Variants in PTBP2 observed in about 807,000 individuals in gnomAD.
The protein encoded by PTBP2 is polypyrimidine tract-binding protein 2.
Under a neutral mutation model 61.4 loss-of-function variants are expected in PTBP2, and 13 were observed. The observed-to-expected ratio is 0.21, with a 90% confidence interval of 0.14 to 0.34. PTBP2 has a LOEUF of 0.34. Among genes scored for constraint, PTBP2 ranks in the 10% least tolerant of loss-of-function variants. PTBP2 has a pLI of 1.00. For synonymous variants in PTBP2, 215 were observed against 218.5 expected (o/e 0.98, Z 0.14); for missense variants, 405 against 642.6 (o/e 0.63, Z 4.00).
downstream of PTBP2, chr1:96,816,371 C>T (rs1557788800): frequency 6.6e-6 from 1 of 152,136 alleles, no homozygotes; most frequent in East Asian, 1.9e-4. Context: ...CTCTATGACT[C>T]TTAGAGTGAA....
chr1:96,766,674 C>T (rs1240430930), intron 3 of PTBP2, among the ~76,000 whole-genome samples: 1 of 152,094 alleles, frequency 6.6e-6, no homozygotes, highest in African/African-American at 2.4e-5. Context: ...AAAATGAAGA[C>T]TTTTATAATA....
exon 14 of PTBP2, chr1:96,820,157 G>T (rs1167340433): frequency 6.6e-6 from 1 of 151,952 alleles, no homozygotes; most frequent in Non-Finnish European, 1.5e-5. Flanking sequence ...TAAGGATTAT[G>T]TGAAATACTG....
chr1:96,743,524 C>G (rs1221446606), intron 2 of PTBP2, among the ~76,000 whole-genome samples: 1 of 152,034 alleles, frequency 6.6e-6, no homozygotes, highest in Non-Finnish European at 1.5e-5. Context: ...TGATTGCATA[C>G]TTTTATTAGG....
intron 8 of PTBP2, among the ~76,000 whole-genome samples, chr1:96,795,334 T>C (rs545990362): frequency 1.8e-4 from 27 of 152,254 alleles, no homozygotes; most frequent in Middle Eastern, 3.4e-3. Flanking sequence ...GAAAATTATA[T>C]GTAAAAGTAA....
intron 8 of PTBP2, among the ~76,000 whole-genome samples, chr1:96,788,913 TGA>T (rs1207186264): frequency 6.6e-6 from 1 of 152,078 alleles, no homozygotes; most frequent in Non-Finnish European, 1.5e-5. Flanking sequence ...TGCTTTGTAA[TGA>T]GTTTAAAATC....
intron 7 of PTBP2, among the ~76,000 whole-genome samples, chr1:96,780,432 CTT>C (rs1343709733): frequency 2.0e-5 from 3 of 152,030 alleles, no homozygotes; most frequent in African/African-American, 7.2e-5. Flanking sequence ...CATTTCTCTA[CTT>C]ACTATTATTT....
intron 10 of PTBP2, chr1:96,806,661 G>T: frequency 1.5e-6 from 1 of 651,724 alleles, no homozygotes; most frequent in Non-Finnish European, 2.6e-6. Context: ...CATTCACATA[G>T]CTTTGAGGGT....
chr1:96,751,669 A>C (rs1033359340), intron 3 of PTBP2, among the ~76,000 whole-genome samples, 169 bp downstream of exon 3: 3 of 151,778 alleles, frequency 2.0e-5, no homozygotes, highest in African/African-American at 7.3e-5. Context: ...AAAAAAAAAA[A>C]AAACCTGAAG....
At chr1:96,821,248 A>G (rs967764124) in exon 14 of PTBP2, 1 of 152,166 alleles carries the variant, frequency 6.6e-6, no homozygotes, top group African/African-American at 2.4e-5. Flanking sequence ...TTTCGACCTC[A>G]AAGTCTTTGT....
chr1:96,736,225 G>A lies in PTBP2; in HGVS notation c.39+12631G>A, dbSNP rs551536161. Among the ~76,000 whole-genome samples the A allele has an allele frequency of 2.0e-5, 3 of 152,282 alleles. No homozygotes were observed. The East Asian group carries it at 5.8e-4, about 29-fold the overall frequency. Reference sequence around the variant, plus strand: ...CCCACTGAAGGAATTTCTGGAGTTTGTACTTCAGGAAGAAAGCCAATGACA... The same window carrying A: ...CCCACTGAAGGAATTTCTGGAGTTTATACTTCAGGAAGAAAGCCAATGACA... On this transcript the variant is annotated intron_variant, in intron 2 of 13. Coordinates refer to ENST00000674951, the MANE Select transcript of PTBP2 (RefSeq NM_021190.4).
downstream of PTBP2, chr1:96,817,852 T>C (rs114194532): frequency 6.8e-4 from 104 of 152,242 alleles, no homozygotes; most frequent in Non-Finnish European, 1.2e-3. Context: ...GCAAATAATA[T>C]GATATTGGGT....
chr1:96,802,664 T>G (rs1402705184), intron 8 of PTBP2, among the ~76,000 whole-genome samples: 1 of 152,312 alleles, frequency 6.6e-6, no homozygotes, highest in African/African-American at 2.4e-5. Context: ...TGAGGCTTGG[T>G]ACTGAACTTC....
chr1:96,737,917 G>A (rs1652453321), intron 2 of PTBP2, among the ~76,000 whole-genome samples: 1 of 151,790 alleles, frequency 6.6e-6, no homozygotes, highest in African/African-American at 2.4e-5. Flanking sequence ...TTCATGCCAC[G>A]CTGTTGATTA....
At chr1:96,758,127 A>G (rs1655374916) in intron 3 of PTBP2, among the ~76,000 whole-genome samples, 2 of 152,048 alleles carry the variant, frequency 1.3e-5, no homozygotes, top group African/African-American at 4.8e-5. Flanking sequence ...TATATAGAAT[A>G]TAATAGGAAA....
At chr1:96,767,370 A>T (rs750965819) in intron 3 of PTBP2, among the ~76,000 whole-genome samples, 13 of 152,014 alleles carry the variant, frequency 8.6e-5, no homozygotes, top group Non-Finnish European at 1.8e-4. Flanking sequence ...TAGTATCTTT[A>T]TTGGTCTTTT....
At chr1:96,763,921 A>T (rs972536439) in intron 3 of PTBP2, among the ~76,000 whole-genome samples, 1 of 152,228 alleles carries the variant, frequency 6.6e-6, no homozygotes, top group African/African-American at 2.4e-5. Flanking sequence ...ATTGGTGATT[A>T]TATTTGCCTG....
intron 8 of PTBP2, among the ~76,000 whole-genome samples, chr1:96,797,766 G>A (rs1320645424): frequency 6.6e-6 from 1 of 152,136 alleles, no homozygotes; most frequent in Non-Finnish European, 1.5e-5. Context: ...TAAATGTTAT[G>A]TAAATGGTTG....
intron 7 of PTBP2, among the ~76,000 whole-genome samples, chr1:96,784,174 A>C (rs1339116090): frequency 2.0e-5 from 3 of 152,100 alleles, no homozygotes; most frequent in African/African-American, 7.2e-5. Flanking sequence ...GCTTATATCC[A>C]GCTGAACTAG....
At position 96,777,946 on chromosome 1, in the gene PTBP2, A is replaced by G; in HGVS notation, c.708A>G (p.Leu236=). The part of the protein sequence containing the change: ...GDPVNAQQAK[L]ALDGQNIYNA... The stretch of plus-strand genomic sequence containing the variant: ...CAGTAAATGCTCAACAAGCAAAACT[A>G]GTAAGTCTTTCTTTTGAGATGGTGA... Residue 236 remains leucine, a splice_region_variant and synonymous_variant, in exon 7 of 14, where the codon CTA becomes CTG. Coordinates refer to ENST00000674951, the MANE Select transcript of PTBP2 (RefSeq NM_021190.4). The G allele has an allele frequency of 4.0e-6, 6 of 1,514,286 alleles. No individual in the cohort carries two copies. Among genetic ancestry groups the G allele is most frequent in the Non-Finnish European group, 4.5e-6 (5 of 1,116,634 alleles). 93.8% of individuals were successfully genotyped at this position (1,514,286 alleles called of 1,614,324 possible).
Sources: allele counts gnomAD v4.1 joint callset (sites outside exome capture counted in the v4.1 genomes callset), GRCh38; gene constraint gnomAD v4.1.1; transcripts MANE v1.5; gene names NCBI Gene and HGNC (gene_info 2026-07-23, HGNC 2026-07-21).